The following KCNMA1 variants were observed in gnomAD, a reference collection of about 807,000 sequenced individuals.
KCNMA1 encodes the protein potassium calcium-activated channel subfamily M alpha 1.
Under a neutral mutation model 140.0 loss-of-function variants are expected in KCNMA1, and 29 were observed. That is an observed-to-expected ratio of 0.21 (90% CI 0.15 to 0.28). The LOEUF (loss-of-function observed/expected upper bound fraction) is 0.28, where lower values mean the gene tolerates loss of function less well. KCNMA1 is among the 10% of genes least tolerant of loss of function. The probability of loss-of-function intolerance (pLI) is 1.00; values close to 1 mark genes in which losing one functional copy is unlikely to be tolerated. For synonymous variants in KCNMA1, 612 were observed against 611.9 expected (o/e 1.00, Z 0.00); for missense variants, 880 against 1,602.2 (o/e 0.55, Z 7.70).
At chr10:77,317,489 T>C (rs191632051) in intron 2 of KCNMA1, among the ~76,000 whole-genome samples, 26 of 152,274 alleles carry the variant, frequency 1.7e-4, no homozygotes, top group African/African-American at 6.3e-4. Context: ...TATTGGAGGA[T>C]TAGTTGGGGA....
At chr10:77,612,208 G>A (rs1414998236) in intron 1 of KCNMA1, among the ~76,000 whole-genome samples, 1 of 152,238 alleles carries the variant, frequency 6.6e-6, no homozygotes, top group Non-Finnish European at 1.5e-5. Context: ...TCACGGACAT[G>A]GCCAAAGACC....
At position 76,900,613 on chromosome 10, in the gene KCNMA1, C is replaced by T. The variant is rs115013888; in HGVS notation, c.3148-8894G>A. 8.5e-3 allele frequency among the ~76,000 whole-genome samples: 1,292 copies of T among 152,136 alleles called. 26 individuals are homozygous for T. The highest frequency in any genetic ancestry group is 0.03 in the African/African-American group (1,242 of 41,522). ...ACAAAAATATAGCAAACTGTTTAAT[C>T]TCAAGATGCTTGATAGTTCTCATGT... On this transcript the variant is annotated intron_variant, in intron 25 of 27. Coordinates refer to ENST00000286628, the MANE Select transcript of KCNMA1 (RefSeq NM_001161352.2).
At chr10:77,375,057 C>T (rs778933760) in intron 2 of KCNMA1, among the ~76,000 whole-genome samples, 4 of 151,908 alleles carry the variant, frequency 2.6e-5, no homozygotes, top group Non-Finnish European at 5.9e-5. Context: ...CAGTTATGGC[C>T]AACACCTAAG....
intron 25 of KCNMA1, among the ~76,000 whole-genome samples, chr10:76,899,905 C>T (rs1029977064): frequency 3.9e-5 from 6 of 152,014 alleles, no homozygotes; most frequent in Middle Eastern, 3.4e-3. Context: ...AAAGTAGGAT[C>T]CCCAAAACAC....
chr10:77,263,676 C>T (rs922842174), intron 2 of KCNMA1, among the ~76,000 whole-genome samples: 1 of 152,178 alleles, frequency 6.6e-6, no homozygotes, highest in African/African-American at 2.4e-5. Context: ...GCCATCTAAG[C>T]CCTATAGTGT....
intron 2 of KCNMA1, among the ~76,000 whole-genome samples, chr10:77,319,457 C>T (rs2081741608): frequency 6.6e-6 from 1 of 152,194 alleles, no homozygotes; most frequent in Non-Finnish European, 1.5e-5. Flanking sequence ...GACCTTTTCC[C>T]ACAGAGTTCC....
intron 23 of KCNMA1, among the ~76,000 whole-genome samples, chr10:76,943,263 A>T (rs1434086967): frequency 3.3e-5 from 5 of 152,164 alleles, no homozygotes; most frequent in Non-Finnish European, 7.3e-5. Flanking sequence ...AGGCCTTCAC[A>T]TGTTGTGCTG....
At chr10:77,551,946 A>C (rs1268568257) in intron 1 of KCNMA1, among the ~76,000 whole-genome samples, 3 of 152,092 alleles carry the variant, frequency 2.0e-5, no homozygotes, top group Non-Finnish European at 2.9e-5. Flanking sequence ...GGAAGGCCAG[A>C]AGTGACGAGG....
chr10:77,497,144 G>T (rs144441926), intron 1 of KCNMA1, among the ~76,000 whole-genome samples: 1 of 152,288 alleles, frequency 6.6e-6, no homozygotes, highest in African/African-American at 2.4e-5. Context: ...TTTTGTCTGA[G>T]CTCCCACTGG....
chr10:77,568,427 C>T (rs1185991826), intron 1 of KCNMA1, among the ~76,000 whole-genome samples: 1 of 152,178 alleles, frequency 6.6e-6, no homozygotes, highest in East Asian at 1.9e-4. Flanking sequence ...AGGCTGGTTC[C>T]ACATATGCAA....
intron 9 of KCNMA1, among the ~76,000 whole-genome samples, chr10:77,099,032 T>A (rs2097020017): frequency 6.6e-6 from 1 of 152,104 alleles, no homozygotes; most frequent in Admixed American, 6.5e-5. Context: ...ACTTTCCTTT[T>A]TTCAGATCAA....
intron 12 of KCNMA1, among the ~76,000 whole-genome samples, chr10:77,082,007 CTTTTTTTTTTTTTTTTTTT>C (rs201288668): frequency 1.2e-4 from 4 of 32,500 alleles, no homozygotes; most frequent in Admixed American, 3.6e-4. Flanking sequence ...TTTTTCTTTT[CTTTTTTTTTTTTTTTTTTT>C]TTTTTTTTTT....
intron 1 of KCNMA1, among the ~76,000 whole-genome samples, chr10:77,521,726 G>A (rs1405864904): frequency 6.6e-6 from 1 of 151,982 alleles, no homozygotes; most frequent in East Asian, 1.9e-4. Flanking sequence ...TCTCCATCTG[G>A]TCCCTTGAGA....
intron 3 of KCNMA1, among the ~76,000 whole-genome samples, chr10:77,224,184 C>T (rs142262159): frequency 7.2e-5 from 11 of 152,316 alleles, no homozygotes; most frequent in African/African-American, 2.6e-4. Flanking sequence ...TGTGTCTGCT[C>T]CCAAAATAGA....
chr10:77,065,381 G>A (rs1184032835), intron 14 of KCNMA1, among the ~76,000 whole-genome samples: 1 of 152,188 alleles, frequency 6.6e-6, no homozygotes, highest in African/African-American at 2.4e-5. Flanking sequence ...CAATGAAGCT[G>A]AGAAGAACAG....
intron 9 of KCNMA1, among the ~76,000 whole-genome samples, chr10:77,102,736 C>T (rs1237063736): frequency 1.3e-5 from 2 of 152,202 alleles, no homozygotes; most frequent in Admixed American, 6.5e-5. Flanking sequence ...TCTGAGGTGT[C>T]GCTTCCTTGG....
chr10:76,977,956 GATTAACCATTAGACTAGAT>G (rs1163089606), intron 19 of KCNMA1, among the ~76,000 whole-genome samples: 6 of 152,172 alleles, frequency 3.9e-5, no homozygotes, highest in Non-Finnish European at 8.8e-5. Context: ...CAAGACAACA[GATTAACCATTAGACTAGAT>G]ATGTTGAAAA....
At chr10:77,400,974 C>A (rs370488386) in intron 2 of KCNMA1, among the ~76,000 whole-genome samples, 3 of 151,644 alleles carry the variant, frequency 2.0e-5, no homozygotes, top group South Asian at 4.2e-4. Flanking sequence ...CCGTGCCCCA[C>A]CAGGACCACA....
intron 1 of KCNMA1, among the ~76,000 whole-genome samples, chr10:77,469,021 CT>C (rs1263700679): frequency 6.6e-6 from 1 of 152,184 alleles, no homozygotes; most frequent in African/African-American, 2.4e-5. Flanking sequence ...CCCCACCACC[CT>C]CCCCGACCAC....
Sources: gnomAD v4.1 joint callset for allele counts (sites outside exome capture counted in the v4.1 genomes callset) on GRCh38, gnomAD v4.1.1 for gene constraint, MANE v1.5 for transcripts, NCBI Gene and HGNC (gene_info 2026-07-23, HGNC 2026-07-21) for gene names.